Variants in FAM209A observed in about 807,000 individuals in gnomAD.
FAM209A encodes the protein family with sequence similarity 209 member A, also known as protein FAM209A.
A neutral mutation model predicts 9.8 loss-of-function variants in FAM209A; 4 were observed. The ratio of observed to expected loss-of-function variants is 0.41; its 90% confidence interval spans 0.20 to 0.94. FAM209A has a LOEUF of 0.94. FAM209A is among the 40% of genes least tolerant of loss of function. FAM209A has a pLI of 0.32. For missense variants in FAM209A, 205 were observed against 209.4 expected, an observed-to-expected ratio of 0.98 and a Z score of 0.13; for synonymous variants, 55 against 77.8, an observed-to-expected ratio of 0.71 and a Z score of 1.54.
the FAM209A span, chr20:56,533,306 C>T: frequency 4.0e-5 from 64 of 1,608,572 alleles, no homozygotes; most frequent in South Asian, 4.2e-4. Flanking sequence ...CAAGCAAACC[C>T]GTCATGAGCA....
At chr20:56,530,663 A>ATTTTTTTTTTTTTTTTTT (rs34007542), downstream of FAM209A, among the ~76,000 whole-genome samples, 1 of 138,226 alleles carries the variant, frequency 7.2e-6, no homozygotes. Context: ...CACTCAGCTA[A>ATTTTTTTTTTTTTTTTTT]TTTTTTTTTT....
chr20:56,526,648 A>T (rs1351189447), downstream of FAM209A, among the ~76,000 whole-genome samples: 5 of 140,704 alleles, frequency 3.6e-5, no homozygotes, highest in African/African-American at 5.7e-5. Flanking sequence ...AATTGGATTT[A>T]AAAAAAAAAA....
chr20:56,526,840 G>A (rs1985549897), downstream of FAM209A, among the ~76,000 whole-genome samples: 1 of 152,160 alleles, frequency 6.6e-6, no homozygotes, highest in Non-Finnish European at 1.5e-5. Flanking sequence ...GCCGAGGCAG[G>A]AGGACTGATT....
At chr20:56,530,706 A>G (rs1192279426), downstream of FAM209A, among the ~76,000 whole-genome samples, 1 of 140,960 alleles carries the variant, frequency 7.1e-6, no homozygotes, top group Non-Finnish European at 1.5e-5. Context: ...ACAGTGTTTC[A>G]CCATGTTGGT....
downstream of FAM209A, among the ~76,000 whole-genome samples, chr20:56,527,141 T>C (rs1402603162): frequency 1.3e-5 from 2 of 152,228 alleles, no homozygotes; most frequent in African/African-American, 4.8e-5. Context: ...TGATTGGAAT[T>C]CTGCTGTAAG....
At chr20:56,525,128 A>G in intron 1 of FAM209A, 71 bp downstream of exon 1, 3 of 1,588,052 alleles carry the variant, frequency 1.9e-6, no homozygotes, top group Admixed American at 1.7e-5. Flanking sequence ...CGGATGTTCT[A>G]GTGAGTCTAG....
downstream of FAM209A, among the ~76,000 whole-genome samples, chr20:56,530,091 CCCAT>C (rs1318369069): frequency 6.6e-6 from 1 of 150,668 alleles, no homozygotes; most frequent in Admixed American, 6.6e-5. Context: ...CAACCATCCA[CCCAT>C]CCATCCATCC....
At chr20:56,531,299 G>C in the FAM209A span, among the ~76,000 whole-genome samples, 22 of 133,998 alleles carry the variant, frequency 1.6e-4, no homozygotes, top group African/African-American at 5.5e-4. Flanking sequence ...TTCTTTCTTT[G>C]TTTTTTTTTT....
At chr20:56,525,764 A>G in intron 1 of FAM209A, 40 bp from the exon 2 acceptor site, 1 of 1,591,940 alleles carries the variant, frequency 6.3e-7, no homozygotes, top group East Asian at 2.2e-5. Context: ...AAACCAACAA[A>G]GTTCACAATA....
downstream of FAM209A, among the ~76,000 whole-genome samples, chr20:56,526,998 A>G (rs1234763050): frequency 6.6e-6 from 1 of 152,190 alleles, no homozygotes; most frequent in Non-Finnish European, 1.5e-5. Context: ...TCCCAGATTA[A>G]TTGACATGTT....
At chr20:56,526,658 A>G (rs1985542158), downstream of FAM209A, among the ~76,000 whole-genome samples, 1 of 152,098 alleles carries the variant, frequency 6.6e-6, no homozygotes, top group Admixed American at 6.6e-5. Context: ...AAAAAAAAAA[A>G]AAGGGGGATG....
the FAM209A span, among the ~76,000 whole-genome samples, chr20:56,532,480 CTTTTTTTTT>C: frequency 2.8e-5 from 3 of 108,260 alleles, no homozygotes; most frequent in African/African-American, 3.8e-5. Flanking sequence ...TTTTCTTTTT[CTTTTTTTTT>C]TTTTTTTTTT....
chr20:56,530,946 C>T (rs192444335), downstream of FAM209A, among the ~76,000 whole-genome samples: 1 of 152,278 alleles, frequency 6.6e-6, no homozygotes, highest in African/African-American at 2.4e-5. Flanking sequence ...GAATCAGAGC[C>T]TTCCTCAGGA....
At chr20:56,531,867 G>A in the FAM209A span, among the ~76,000 whole-genome samples, 8 of 152,128 alleles carry the variant, frequency 5.3e-5, 1 homozygote, top group Admixed American at 4.6e-4. Context: ...GACCTCAGGT[G>A]ATCTGCCCAC....
chr20:56,525,293 T>C (rs1325891436), intron 1 of FAM209A, among the ~76,000 whole-genome samples: 1 of 152,172 alleles, frequency 6.6e-6, no homozygotes, highest in African/African-American at 2.4e-5. Context: ...GCTCACAGAT[T>C]TTCTGGTTAG....
chr20:56,533,229 C>T, the FAM209A span: 1 of 1,554,642 alleles, frequency 6.4e-7, no homozygotes, highest in Non-Finnish European at 8.7e-7. Flanking sequence ...AGGGTGGCCT[C>T]AGCTCAGGGC....
downstream of FAM209A, among the ~76,000 whole-genome samples, chr20:56,529,319 C>A (rs751565484): frequency 1.3e-5 from 2 of 152,026 alleles, no homozygotes; most frequent in African/African-American, 2.4e-5. Flanking sequence ...GAGTTCAAGA[C>A]CACCCTGGCC....
downstream of FAM209A, among the ~76,000 whole-genome samples, chr20:56,527,210 G>GTT (rs879382039): frequency 2.8e-5 from 4 of 144,806 alleles, no homozygotes; most frequent in African/African-American, 5.0e-5. Flanking sequence ...TTACAGGTGT[G>GTT]TTTTTTTTTT....
chr20:56,531,604 T>TTTAATGG, the FAM209A span, among the ~76,000 whole-genome samples: 18 of 150,140 alleles, frequency 1.2e-4, no homozygotes, highest in Non-Finnish European at 2.1e-4. Context: ...CCCGGCCTCT[T>TTTAATGG]ACCACAATTT....
Sources: gnomAD v4.1 joint callset for allele counts (sites outside exome capture counted in the v4.1 genomes callset) on GRCh38, gnomAD v4.1.1 for gene constraint, MANE v1.5 for transcripts, NCBI Gene and HGNC (gene_info 2026-07-23, HGNC 2026-07-21) for gene names.